Variants in VWC2 observed in about 807,000 individuals in gnomAD.
VWC2 encodes brorin.
A neutral mutation model predicts 29.8 loss-of-function variants in VWC2; 14 were observed. The ratio of observed to expected loss-of-function variants is 0.47; its 90% confidence interval spans 0.31 to 0.74. The LOEUF is 0.74. VWC2 is among the 30% of genes least tolerant of loss of function. VWC2 has a pLI of 0.05. For synonymous variants in VWC2, 213 were observed against 199.0 expected (o/e 1.07, Z -0.59); for missense variants, 457 against 459.8 (o/e 0.99, Z 0.05).
At chr7:49,817,315 G>A (rs1219669285) in intron 3 of VWC2, among the ~76,000 whole-genome samples, 1 of 152,158 alleles carries the variant, frequency 6.6e-6, no homozygotes, top group Non-Finnish European at 1.5e-5. Flanking sequence ...TTCATCCTCA[G>A]GCAGATATCT....
chr7:49,892,472 A>T (rs1340062654), intron 3 of VWC2, among the ~76,000 whole-genome samples: 2 of 152,222 alleles, frequency 1.3e-5, no homozygotes, highest in African/African-American at 2.4e-5. Context: ...ATACAGGGGT[A>T]TATACATTAT....
chr7:49,875,280 G>C (rs1050999744), intron 3 of VWC2, among the ~76,000 whole-genome samples: 6 of 138,292 alleles, frequency 4.3e-5, no homozygotes, highest in African/African-American at 1.6e-4. Context: ...TGAGGCAGGA[G>C]AATCGCCTGA....
chr7:49,795,700 T>C (rs1788571539), intron 2 of VWC2, among the ~76,000 whole-genome samples: 1 of 152,214 alleles, frequency 6.6e-6, no homozygotes. Context: ...TCATAATATG[T>C]TGTGTAAGTT....
At chr7:49,837,021 A>T (rs924113993) in intron 3 of VWC2, among the ~76,000 whole-genome samples, 1 of 152,200 alleles carries the variant, frequency 6.6e-6, no homozygotes, top group East Asian at 1.9e-4. Flanking sequence ...TTAGTCTTTG[A>T]AGTTTAACTT....
rs1364619263 is a variant in VWC2, at chr7:49,917,629, T to C, written c.*5444T>C. The C allele has an allele frequency of 1.3e-5, 2 of 152,170 alleles. No homozygotes were observed. Among genetic ancestry groups the C allele is most frequent in the Non-Finnish European group, 2.9e-5 (2 of 68,014 alleles). The allele number at this position is 152,170 out of a possible 1,614,324, so 9.4% of individuals were successfully genotyped here. The stretch of plus-strand genomic sequence containing the variant: ...TGATGACTAAACACAATTGCAAATA[T>C]TGCGACTTTAGTTTTTAATTCAATT... On this transcript the variant is annotated 3_prime_UTR_variant, in exon 4 of 4. Coordinates refer to ENST00000340652, the MANE Select transcript of VWC2 (RefSeq NM_198570.5).
At chr7:49,863,902 T>A (rs1432271543) in intron 3 of VWC2, among the ~76,000 whole-genome samples, 2 of 152,224 alleles carry the variant, frequency 1.3e-5, no homozygotes, top group Non-Finnish European at 2.9e-5. Flanking sequence ...TAGCCATAAA[T>A]TTCCCTTTTA....
intron 3 of VWC2, among the ~76,000 whole-genome samples, chr7:49,901,567 TAGAG>T (rs1277495594): frequency 2.6e-5 from 4 of 151,636 alleles, no homozygotes; most frequent in East Asian, 1.9e-4. Flanking sequence ...AATATATAAA[TAGAG>T]AGATGTTTCA....
chr7:49,776,381 A>G (rs1355898922), intron 2 of VWC2, among the ~76,000 whole-genome samples: 1 of 152,244 alleles, frequency 6.6e-6, no homozygotes, highest in African/African-American at 2.4e-5. Flanking sequence ...GATGAAGCCT[A>G]TGGCACTGAA....
rs572407358 is a variant in VWC2 at position 49,814,795 on chromosome 7, T to C, written c.826+11955T>C. Among the ~76,000 whole-genome samples, 6 of 151,552 alleles carry C rather than the reference T, an allele frequency of 4.0e-5. No individual in the cohort carries two copies. In the East Asian group the frequency reaches 9.7e-4, roughly 25 times the overall value. ...AGTTACACTGTGCCTCTTGAACTTG[T>C]TGTTGAGGACCAGCCCTGGCGTCAC... On this transcript the variant is annotated intron_variant, in intron 3 of 3. Transcript: ENST00000340652.
chr7:49,775,969 C>G lies in VWC2; in HGVS notation c.534C>G (p.Cys178Trp). ...CGCCGGGCCCCTCGGCCTGCCCGTG[C>G]CTGTGCACCGAGGAGGGGCCGCTGT... ...KFAPGPSACP[C>W]LCTEEGPLCA... Residue 178 changes from cysteine to tryptophan, a missense_variant, in exon 2 of 4, where the codon TGC (cysteine) becomes TGG (tryptophan). Coordinates refer to ENST00000340652, the MANE Select transcript of VWC2 (RefSeq NM_198570.5). 1 of 1,549,668 alleles carries G rather than the reference C, an allele frequency of 6.5e-7. No individual in the cohort carries two copies.
intron 3 of VWC2, among the ~76,000 whole-genome samples, chr7:49,892,344 CCAGA>C (rs970833801): frequency 2.6e-5 from 4 of 151,592 alleles, no homozygotes; most frequent in Admixed American, 2.6e-4. Flanking sequence ...CCGCGCCCGG[CCAGA>C]CAAAGTAGAT....
chr7:49,851,355 G>A (rs549739982), intron 3 of VWC2, among the ~76,000 whole-genome samples: 1 of 152,316 alleles, frequency 6.6e-6, no homozygotes, highest in Non-Finnish European at 1.5e-5. Flanking sequence ...TCAGTGGACA[G>A]ACATTCTGGG....
chr7:49,830,248 TA>T (rs1207812288), intron 3 of VWC2, among the ~76,000 whole-genome samples: 2 of 151,874 alleles, frequency 1.3e-5, no homozygotes, highest in Non-Finnish European at 2.9e-5. Flanking sequence ...TATTAATCTT[TA>T]AAATTTGAAA....
intron 3 of VWC2, among the ~76,000 whole-genome samples, chr7:49,877,481 AATAT>A (rs1220691094): frequency 0.047 from 600 of 12,676 alleles, 47 homozygotes; most frequent in Non-Finnish European, 0.059. Context: ...AAAAAAAAAA[AATAT>A]ATATATATAT....
rs1028577980 is a variant in VWC2 at position 49,915,741 on chromosome 7, G to A, written c.*3556G>A. 35 of 152,094 alleles carry A rather than the reference G, an allele frequency of 2.3e-4. No individual in the cohort carries two copies. Among genetic ancestry groups the A allele is most frequent in the African/African-American group, 8.5e-4 (35 of 41,408 alleles). 9.4% of individuals were successfully genotyped at this position (152,094 alleles called of 1,614,324 possible). ...AAAATATTAACAATTTGCTAAATTT[G>A]CTTCAATGGGCAAGAGATCAATCCT... On this transcript the variant is annotated 3_prime_UTR_variant, in exon 4 of 4. Transcript: ENST00000340652.
chr7:49,877,891 G>A (rs1434035441), intron 3 of VWC2, among the ~76,000 whole-genome samples: 2 of 151,978 alleles, frequency 1.3e-5, no homozygotes, highest in Admixed American at 1.3e-4. Flanking sequence ...TCCTGACCTT[G>A]CATCTGGGCA....
intron 3 of VWC2, among the ~76,000 whole-genome samples, chr7:49,909,946 T>C (rs1351690): frequency 0.019 from 2,821 of 147,582 alleles, 101 homozygotes; most frequent in African/African-American, 0.066. Flanking sequence ...TCTCCAAAGA[T>C]TTTTTTTTTT....
intron 3 of VWC2, among the ~76,000 whole-genome samples, chr7:49,908,904 AT>A (rs1793248528): frequency 6.6e-6 from 1 of 152,244 alleles, no homozygotes; most frequent in South Asian, 2.1e-4. Context: ...AAGATTTTAT[AT>A]TCTACAGTAA....
intron 3 of VWC2, among the ~76,000 whole-genome samples, chr7:49,833,463 G>T (rs890431324): frequency 6.6e-6 from 1 of 152,164 alleles, no homozygotes; most frequent in Admixed American, 6.5e-5. Context: ...GCCAAACAAG[G>T]AAGTGGGAGA....
Sources: gnomAD v4.1 joint callset for allele counts (sites outside exome capture counted in the v4.1 genomes callset) on GRCh38, gnomAD v4.1.1 for gene constraint, MANE v1.5 for transcripts, NCBI Gene and HGNC (gene_info 2026-07-23, HGNC 2026-07-21) for gene names.